UBXN7: variants seen among roughly 807,000 people sequenced by gnomAD.
UBXN7 encodes UBX domain-containing protein 7.
In UBXN7, 9 loss-of-function variants were observed where a neutral mutation model predicts 58.0. The ratio of observed to expected loss-of-function variants is 0.16; its 90% confidence interval spans 0.09 to 0.27. The LOEUF (loss-of-function observed/expected upper bound fraction) is 0.27. Among genes scored for constraint, UBXN7 ranks in the 10% least tolerant of loss-of-function variants. The pLI is 1.00. For missense variants in UBXN7, 328 were observed against 599.6 expected (o/e 0.55, Z 4.73); for synonymous variants, 208 against 205.0 (o/e 1.01, Z -0.12).
intron 1 of UBXN7, among the ~76,000 whole-genome samples, chr3:196,409,320 A>T (rs1169633772): frequency 6.6e-6 from 1 of 152,106 alleles, no homozygotes; most frequent in Non-Finnish European, 1.5e-5. Flanking sequence ...TTCTTCAAAC[A>T]TATTAACCCA....
At chr3:196,384,342 C>G (rs1324169035) in intron 5 of UBXN7, among the ~76,000 whole-genome samples, 1 of 152,178 alleles carries the variant, frequency 6.6e-6, no homozygotes, top group African/African-American at 2.4e-5. Context: ...CAGGACCAGA[C>G]GGATTCACAG....
At chr3:196,375,754 C>T (rs768229310) in intron 5 of UBXN7, among the ~76,000 whole-genome samples, 8 of 152,212 alleles carry the variant, frequency 5.3e-5, no homozygotes, top group Non-Finnish European at 1.0e-4. Context: ...TTAGGCCTGG[C>T]ATGGTGGCTC....
chr3:196,393,723 C>A, intron 3 of UBXN7, 104 bp from the exon 4 acceptor site: 1 of 1,107,398 alleles, frequency 9.0e-7, no homozygotes, highest in Admixed American at 2.4e-5. Flanking sequence ...CATATGAAAC[C>A]CTTCACGAAC....
At chr3:196,429,652 C>T (rs1577485286) in intron 1 of UBXN7, among the ~76,000 whole-genome samples, 2 of 151,988 alleles carry the variant, frequency 1.3e-5, no homozygotes, top group South Asian at 2.1e-4. Flanking sequence ...ATAAACACTA[C>T]GATTAAAACG....
intron 1 of UBXN7, among the ~76,000 whole-genome samples, chr3:196,422,896 T>C (rs1173927250): frequency 1.3e-5 from 2 of 152,134 alleles, no homozygotes; most frequent in African/African-American, 4.8e-5. Flanking sequence ...AGTACAACCA[T>C]ACAATGGTAT....
chr3:196,401,847 G>GAAGAGAAGAC, intron 3 of UBXN7, among the ~76,000 whole-genome samples: 1 of 149,844 alleles, frequency 6.7e-6, no homozygotes, highest in African/African-American at 2.5e-5. Flanking sequence ...GAAGAGAAGA[G>GAAGAGAAGAC]AAGAGAAGAG....
chr3:196,406,654 C>G (rs1730171325), intron 2 of UBXN7, among the ~76,000 whole-genome samples: 1 of 151,770 alleles, frequency 6.6e-6, no homozygotes, highest in African/African-American at 2.4e-5. Flanking sequence ...CCATGTTGGT[C>G]AAGCTGGTCT....
chr3:196,396,886 T>C (rs1729792235), intron 3 of UBXN7, among the ~76,000 whole-genome samples: 1 of 152,218 alleles, frequency 6.6e-6, no homozygotes, highest in Non-Finnish European at 1.5e-5. Context: ...CTGCCAAAGA[T>C]AGGTTAGTCA....
At chr3:196,362,180 G>C in intron 9 of UBXN7, 114 bp downstream of exon 9, 2 of 1,369,498 alleles carry the variant, frequency 1.5e-6, no homozygotes, top group South Asian at 1.4e-5. Flanking sequence ...TTTTAGTAGA[G>C]ACAGGGTTTT....
At chr3:196,416,618 C>T (rs1730494937) in intron 1 of UBXN7, among the ~76,000 whole-genome samples, 2 of 152,098 alleles carry the variant, frequency 1.3e-5, no homozygotes, top group Admixed American at 6.6e-5. Context: ...AGCAAGCAGG[C>T]CTGTCAACAT....
intron 1 of UBXN7, 124 bp from the exon 2 acceptor site, chr3:196,407,517 T>C: frequency 7.4e-7 from 1 of 1,345,296 alleles, no homozygotes; most frequent in Non-Finnish European, 9.8e-7. Flanking sequence ...AATGAATGAC[T>C]TTCTTGTGAA....
intron 5 of UBXN7, among the ~76,000 whole-genome samples, chr3:196,381,620 C>A (rs552825648): frequency 2.6e-5 from 4 of 152,262 alleles, no homozygotes. Flanking sequence ...AACGGAACAA[C>A]GCTGGATGGA....
At chr3:196,376,561 A>AAG (rs1553850439) in intron 5 of UBXN7, among the ~76,000 whole-genome samples, 2 of 150,628 alleles carry the variant, frequency 1.3e-5, no homozygotes, top group African/African-American at 4.9e-5. Context: ...AAAAAAAAAA[A>AAG]AAAAAAAGAA....
intron 3 of UBXN7, among the ~76,000 whole-genome samples, chr3:196,395,357 A>G (rs940364693): frequency 1.3e-5 from 2 of 152,234 alleles, no homozygotes; most frequent in African/African-American, 4.8e-5. Flanking sequence ...TCATATGCAT[A>G]TCATTCCTGT....
chr3:196,392,070 C>CT, intron 4 of UBXN7, 145 bp from the exon 5 acceptor site: 1 of 497,648 alleles, frequency 2.0e-6, no homozygotes, highest in Non-Finnish European at 3.4e-6. Context: ...AATGTTGACT[C>CT]TGAAAAAAAA....
At chr3:196,385,272 G>A (rs932102968) in intron 5 of UBXN7, among the ~76,000 whole-genome samples, 8 of 152,176 alleles carry the variant, frequency 5.3e-5, no homozygotes, top group East Asian at 1.9e-4. Flanking sequence ...CCGAGGTGCC[G>A]GGATTGCAGA....
chr3:196,424,301 T>C (rs1028226073), intron 1 of UBXN7, among the ~76,000 whole-genome samples: 2 of 151,990 alleles, frequency 1.3e-5, no homozygotes, highest in Non-Finnish European at 1.5e-5. Flanking sequence ...GATGTTGGTG[T>C]TCCTTCAGCA....
chr3:196,422,819 C>T (rs1314580780), intron 1 of UBXN7, among the ~76,000 whole-genome samples: 1 of 152,188 alleles, frequency 6.6e-6, no homozygotes, highest in African/African-American at 2.4e-5. Context: ...CTGTTTTTGG[C>T]AGCTTTATTT....
chr3:196,373,436 A>T (rs1243895755), intron 5 of UBXN7, among the ~76,000 whole-genome samples: 1 of 152,218 alleles, frequency 6.6e-6, no homozygotes, highest in African/African-American at 2.4e-5. Context: ...CAAATAAGCA[A>T]ATGCTGCCTC....
Sources: gnomAD v4.1 joint callset for allele counts (sites outside exome capture counted in the v4.1 genomes callset) on GRCh38, gnomAD v4.1.1 for gene constraint, MANE v1.5 for transcripts, NCBI Gene and HGNC (gene_info 2026-07-23, HGNC 2026-07-21) for gene names.